Variants in FMN1 observed in about 807,000 individuals in gnomAD.
The protein encoded by FMN1 is formin-1.
FMN1 carries 110 observed loss-of-function variants against 132.4 expected under a neutral mutation model. That is an observed-to-expected ratio of 0.83 (90% CI 0.71 to 0.97). The LOEUF (loss-of-function observed/expected upper bound fraction) is 0.97, where lower values mean the gene tolerates loss of function less well. FMN1 is among the 50% of genes least tolerant of loss of function. The probability of loss-of-function intolerance (pLI) is 0.00; values close to 1 mark genes in which losing one functional copy is unlikely to be tolerated. For missense variants in FMN1, 1,792 were observed against 1,705.3 expected (o/e 1.05, Z -0.90); for synonymous variants, 722 against 651.7 (o/e 1.11, Z -1.64).
At chr15:32,826,653 C>T (rs17228815) in intron 17 of FMN1, among the ~76,000 whole-genome samples, 1,926 of 152,270 alleles carry the variant, frequency 0.013, 16 homozygotes, top group Non-Finnish European at 0.021. Flanking sequence ...AATGCTAATG[C>T]TTTGCTCCAT....
intron 9 of FMN1, among the ~76,000 whole-genome samples, chr15:32,953,181 T>G (rs1179990984): frequency 6.6e-6 from 1 of 152,186 alleles, no homozygotes; most frequent in Non-Finnish European, 1.5e-5. Context: ...GTACCCCACC[T>G]AGGAGATCTG....
At chr15:33,096,881 C>A (rs181082189) in intron 4 of FMN1, among the ~76,000 whole-genome samples, 2 of 152,210 alleles carry the variant, frequency 1.3e-5, no homozygotes, top group East Asian at 1.9e-4. Context: ...GGATTACAGG[C>A]ATGCACCAAC....
chr15:32,961,343 A>G (rs1303365326), intron 9 of FMN1, among the ~76,000 whole-genome samples: 1 of 152,032 alleles, frequency 6.6e-6, no homozygotes, highest in Admixed American at 6.5e-5. Context: ...GAAATTGGCC[A>G]GGCTGGTGTC....
chr15:32,809,934 T>G (rs531911776), intron 17 of FMN1, among the ~76,000 whole-genome samples: 2 of 152,144 alleles, frequency 1.3e-5, no homozygotes, highest in South Asian at 4.2e-4. Context: ...TTTTTTTTTC[T>G]TTTGAGACAG....
intron 5 of FMN1, among the ~76,000 whole-genome samples, chr15:33,081,040 C>T (rs1378004598): frequency 6.6e-6 from 1 of 152,160 alleles, no homozygotes; most frequent in Non-Finnish European, 1.5e-5. Context: ...TAACTCAAGC[C>T]ACTCGGACAA....
At chr15:32,972,033 T>C (rs1305063304) in intron 7 of FMN1, among the ~76,000 whole-genome samples, 3 of 152,202 alleles carry the variant, frequency 2.0e-5, no homozygotes, top group African/African-American at 7.2e-5. Flanking sequence ...GTACCTCAGT[T>C]TTTTTTGTAA....
chr15:33,130,030 C>T (rs1308312058), intron 4 of FMN1, among the ~76,000 whole-genome samples: 4 of 152,200 alleles, frequency 2.6e-5, no homozygotes, highest in African/African-American at 7.2e-5. Flanking sequence ...TCGTGATCCA[C>T]CTGCCTTGGT....
intron 16 of FMN1, among the ~76,000 whole-genome samples, chr15:32,875,163 CT>C (rs767663949): frequency 1.8e-4 from 28 of 152,182 alleles, no homozygotes; most frequent in Non-Finnish European, 3.8e-4. Context: ...CCTCAGCCTG[CT>C]TTATGTGTTA....
chr15:32,815,796 C>A (rs2058042872), intron 17 of FMN1, among the ~76,000 whole-genome samples: 1 of 152,186 alleles, frequency 6.6e-6, no homozygotes, highest in African/African-American at 2.4e-5. Flanking sequence ...TGGTGATGAA[C>A]ATTCACTGAA....
At chr15:32,866,044 C>T (rs1312520729) in intron 16 of FMN1, among the ~76,000 whole-genome samples, 1 of 151,088 alleles carries the variant, frequency 6.6e-6, no homozygotes, top group Non-Finnish European at 1.5e-5. Flanking sequence ...GAAAAATTTC[C>T]CCTTTGAGGA....
At chr15:33,100,223 TAAAAAAA>T (rs61200336) in intron 4 of FMN1, among the ~76,000 whole-genome samples, 5 of 115,468 alleles carry the variant, frequency 4.3e-5, no homozygotes, top group African/African-American at 5.9e-5. Flanking sequence ...ACTTTCACAG[TAAAAAAA>T]AAAAAAAAAA....
In FMN1 at chr15:33,048,665, A is replaced by G. The variant is rs535945025; in HGVS notation, c.2161+16292T>C. Among the ~76,000 whole-genome samples the G allele has an allele frequency of 1.3e-4, 19 of 145,246 alleles. 1 individual carries two copies. The South Asian group carries it at 4.3e-3, about 33-fold the overall frequency. On this transcript the variant is annotated intron_variant, in intron 6 of 20. Coordinates refer to ENST00000616417, the MANE Select transcript of FMN1 (RefSeq NM_001277313.2). ...AAAAAAAAAACCAACAGTTTAATGG[A>G]CTTACAGTTCCACATGGCTGAGAAG...
chr15:32,917,538 CAT>C (rs1330238205), intron 10 of FMN1, among the ~76,000 whole-genome samples: 3 of 152,160 alleles, frequency 2.0e-5, no homozygotes, highest in African/African-American at 7.2e-5. Context: ...CTGTACCAGG[CAT>C]TGTTCTAAGT....
intron 7 of FMN1, 42 bp downstream of exon 7, chr15:33,007,972 T>C: frequency 6.6e-7 from 1 of 1,515,274 alleles, no homozygotes; most frequent in African/African-American, 1.4e-5. Flanking sequence ...AAACCAAGTA[T>C]CAGTTCTATA....
At chr15:32,861,528 A>G (rs991330936) in intron 16 of FMN1, among the ~76,000 whole-genome samples, 3 of 152,222 alleles carry the variant, frequency 2.0e-5, no homozygotes, top group Non-Finnish European at 4.4e-5. Flanking sequence ...CACAGGCATG[A>G]TATGATATTT....
intron 4 of FMN1, among the ~76,000 whole-genome samples, chr15:33,102,638 A>T (rs1452953930): frequency 6.6e-6 from 1 of 152,168 alleles, no homozygotes; most frequent in African/African-American, 2.4e-5. Context: ...AATGGCAGGA[A>T]AAGCCCATGG....
chr15:33,163,678 TGAG>T (rs1330625299), intron 3 of FMN1, among the ~76,000 whole-genome samples: 4 of 150,702 alleles, frequency 2.7e-5, no homozygotes, highest in African/African-American at 9.8e-5. Flanking sequence ...AGTACAGTGG[TGAG>T]ATCTTGGCTC....
intron 17 of FMN1, among the ~76,000 whole-genome samples, chr15:32,831,014 A>AC (rs1488776562): frequency 6.6e-6 from 1 of 151,976 alleles, no homozygotes; most frequent in Non-Finnish European, 1.5e-5. Flanking sequence ...AAGGCACCAA[A>AC]CCCCCATGCT....
rs935721537 is a variant in FMN1 at position 32,766,403 on chromosome 15, G to C, written c.*7907C>G. On this transcript the variant is annotated 3_prime_UTR_variant, in exon 21 of 21. Transcript: ENST00000616417. ...TGTCCAGCACCACAGAAAGTTACTT[G>C]AGATTCAAAAATCTGGCGTTCTGCA... is the stretch of plus-strand genomic sequence containing the variant. 1.3e-5 allele frequency: 2 copies of C among 152,082 alleles called. No homozygotes were observed. The highest frequency in any genetic ancestry group is 2.9e-5 in the Non-Finnish European group (2 of 68,020). 9.4% of individuals were successfully genotyped at this position (152,082 alleles called of 1,614,324 possible). A position where few individuals can be genotyped will look rare whatever the true frequency, so the allele number is the denominator to read the frequency against.
Sources: gnomAD v4.1 joint callset for allele counts (sites outside exome capture counted in the v4.1 genomes callset) on GRCh38, gnomAD v4.1.1 for gene constraint, MANE v1.5 for transcripts, NCBI Gene and HGNC (gene_info 2026-07-23, HGNC 2026-07-21) for gene names.